CELF2: variants seen among roughly 807,000 people sequenced by gnomAD.
CELF2 encodes the protein CUGBP Elav-like family member 2.
A neutral mutation model predicts 62.6 loss-of-function variants in CELF2; 8 were observed. That is an observed-to-expected ratio of 0.13 (90% CI 0.07 to 0.23). The LOEUF (loss-of-function observed/expected upper bound fraction) is 0.23, where lower values mean the gene tolerates loss of function less well. Among genes scored for constraint, CELF2 ranks in the 10% least tolerant of loss-of-function variants. The probability of loss-of-function intolerance (pLI) is 1.00; values close to 1 mark genes in which losing one functional copy is unlikely to be tolerated. For synonymous variants in CELF2, 258 were observed against 250.0 expected (o/e 1.03, Z -0.30); for missense variants, 333 against 671.0 (o/e 0.50, Z 5.56).
the CELF2 span, among the ~76,000 whole-genome samples, chr10:10,644,455 A>T: frequency 6.6e-6 from 1 of 151,890 alleles, no homozygotes; most frequent in Admixed American, 6.6e-5. Flanking sequence ...CTTCCTGGAG[A>T]CAGAGTAGTG....
intron 1 of CELF2, among the ~76,000 whole-genome samples, chr10:11,063,624 A>G (rs1192773042): frequency 6.6e-6 from 1 of 152,242 alleles, no homozygotes; most frequent in Non-Finnish European, 1.5e-5. Context: ...TCTAAATATC[A>G]TATCCTTTTG....
rs545508079 is a variant in CELF2 at position 10,938,136 on chromosome 10, A to G, written c.89+18137A>G. 5.3e-5 allele frequency among the ~76,000 whole-genome samples: 8 copies of G among 152,376 alleles called. No homozygotes were observed. The highest frequency in any genetic ancestry group is 1.9e-4 in the East Asian group (1 of 5,194). ...GGTAATACTGAATATGCAGAATTCA[A>G]TCATAGAAAACTAATCACTTTAGTG... is the stretch of plus-strand genomic sequence containing the variant. On this transcript the variant is annotated intron_variant, in intron 2 of 13. Coordinates refer to the CELF2 transcript ENST00000636488. This position sits in a 1 kb window ranked among gnomAD's most constrained non-coding sequence, Gnocchi z 4.2.
chr10:11,058,280 C>G (rs1376164858), intron 1 of CELF2, among the ~76,000 whole-genome samples: 1 of 152,142 alleles, frequency 6.6e-6, no homozygotes, highest in Non-Finnish European at 1.5e-5. Context: ...ATAGCTGTCA[C>G]TGCCCTGGTG....
At chr10:11,320,907 C>T in intron 10 of CELF2, 1 of 1,548,094 alleles carries the variant, frequency 6.5e-7, no homozygotes, top group Non-Finnish European at 8.7e-7. Context: ...CGGTACTTGC[C>T]AGTAGCACGC....
chr10:10,998,248 A>C (rs1413644864), intron 2 of CELF2, among the ~76,000 whole-genome samples: 1 of 152,112 alleles, frequency 6.6e-6, no homozygotes, highest in African/African-American at 2.4e-5. Flanking sequence ...CAAACCTTTC[A>C]TGGCTTCCTA....
the CELF2 span, among the ~76,000 whole-genome samples, chr10:10,500,089 C>T: frequency 5.9e-5 from 9 of 152,102 alleles, no homozygotes; most frequent in Admixed American, 6.5e-5. Flanking sequence ...CCCTGTATAT[C>T]GAAGCTTCTA....
chr10:11,147,601 T>G (rs1380474774), intron 1 of CELF2, among the ~76,000 whole-genome samples: 1 of 152,200 alleles, frequency 6.6e-6, no homozygotes, highest in East Asian at 1.9e-4. Flanking sequence ...ATGCCTTTGT[T>G]AAGTAGGGTG....
chr10:10,528,403 A>G, the CELF2 span, among the ~76,000 whole-genome samples: 1 of 152,172 alleles, frequency 6.6e-6, no homozygotes, highest in Non-Finnish European at 1.5e-5. Flanking sequence ...ATTTAATGCT[A>G]TTGTGGAAGG....
chr10:11,194,266 A>G (rs563603363), intron 2 of CELF2, among the ~76,000 whole-genome samples: 12 of 152,170 alleles, frequency 7.9e-5, no homozygotes, highest in African/African-American at 2.4e-4. Context: ...GGGTTTCACC[A>G]TCTTGGCCAG....
intron 1 of CELF2, among the ~76,000 whole-genome samples, chr10:10,853,276 C>T (rs1025362751): frequency 1.4e-4 from 21 of 152,078 alleles, no homozygotes; most frequent in Admixed American, 2.6e-4. Flanking sequence ...GCACTGCACC[C>T]GGCCTATTAA....
At chr10:10,500,617 C>T in the CELF2 span, among the ~76,000 whole-genome samples, 1 of 152,196 alleles carries the variant, frequency 6.6e-6, no homozygotes, top group East Asian at 1.9e-4. Flanking sequence ...TCCATTAAAC[C>T]TCTTTTTCCT....
chr10:11,210,864 C>T (rs1039595692), intron 2 of CELF2, among the ~76,000 whole-genome samples: 6 of 152,132 alleles, frequency 3.9e-5, no homozygotes, highest in Non-Finnish European at 7.3e-5. Context: ...TTGATCATTG[C>T]GCTTTGCATG....
At chr10:11,111,127 A>G (rs1170404927) in intron 1 of CELF2, among the ~76,000 whole-genome samples, 1 of 152,210 alleles carries the variant, frequency 6.6e-6, no homozygotes, top group Admixed American at 6.5e-5. Flanking sequence ...AGATAATAAT[A>G]TGTGGCATTT....
chr10:10,544,795 G>A, the CELF2 span, among the ~76,000 whole-genome samples: 3 of 152,320 alleles, frequency 2.0e-5, no homozygotes, highest in East Asian at 5.8e-4. Flanking sequence ...AGAGAAGGAA[G>A]AGTAAGGGAT....
intron 2 of CELF2, among the ~76,000 whole-genome samples, chr10:11,196,728 C>T (rs1051963296): frequency 2.6e-5 from 4 of 151,878 alleles, no homozygotes; most frequent in Non-Finnish European, 5.9e-5. Flanking sequence ...GAGGCCAAGG[C>T]AGGCAGATCA....
At chr10:10,955,708 A>G (rs2048816619) in intron 2 of CELF2, among the ~76,000 whole-genome samples, 1 of 152,172 alleles carries the variant, frequency 6.6e-6, no homozygotes, top group African/African-American at 2.4e-5. Flanking sequence ...CCCCAGAACC[A>G]TGATTCATCA....
the CELF2 span, among the ~76,000 whole-genome samples, chr10:10,783,711 G>C: frequency 3.3e-5 from 5 of 152,196 alleles, no homozygotes; most frequent in Non-Finnish European, 7.3e-5. Context: ...ATGGGGCTGG[G>C]CACAGTGGCT....
At chr10:11,111,202 A>ATCT (rs1316595620) in intron 1 of CELF2, among the ~76,000 whole-genome samples, 1 of 152,188 alleles carries the variant, frequency 6.6e-6, no homozygotes, top group Admixed American at 6.5e-5. Flanking sequence ...GTTAATCTAC[A>ATCT]TCTTCTTCCC....
At chr10:10,937,008 C>A (rs375078360) in intron 2 of CELF2, among the ~76,000 whole-genome samples, 1 of 151,924 alleles carries the variant, frequency 6.6e-6, no homozygotes, top group Non-Finnish European at 1.5e-5. Context: ...GTCTCTCATC[C>A]GGAGCTTTAA....
Sources: allele counts gnomAD v4.1 joint callset (sites outside exome capture counted in the v4.1 genomes callset), GRCh38; gene constraint gnomAD v4.1.1; non-coding constraint Gnocchi (gnomAD v3.1); transcripts MANE v1.5; gene names NCBI Gene and HGNC (gene_info 2026-07-23, HGNC 2026-07-21).